The following SNRNP200 variants were observed in gnomAD, a reference collection of about 807,000 sequenced individuals.
SNRNP200 encodes U5 small nuclear ribonucleoprotein 200 kDa helicase.
SNRNP200 carries 66 observed loss-of-function variants against 255.2 expected under a neutral mutation model. The ratio of observed to expected loss-of-function variants is 0.26; its 90% confidence interval spans 0.21 to 0.32. SNRNP200 has a LOEUF of 0.32. Among genes scored for constraint, SNRNP200 ranks in the 10% least tolerant of loss-of-function variants. SNRNP200 has a pLI of 1.00. For synonymous variants in SNRNP200, 939 were observed against 1,027.8 expected (o/e 0.91, Z 1.65); for missense variants, 1,585 against 2,749.8 (o/e 0.58, Z 9.47).
Position 96,282,201 on chromosome 2 carries a change from C to G in SNRNP200, c.4916-279G>C, listed in dbSNP as rs1240914199. On this transcript the variant is annotated intron_variant, in intron 34 of 44. Coordinates refer to ENST00000323853, the MANE Select transcript of SNRNP200 (RefSeq NM_014014.5). ...CCAAGGCAAAACTACAGCTGATGGA[C>G]TGCTCCTCTGACCAGAAAGTGCTAA... 1.4e-5 allele frequency: 6 copies of G among 421,724 alleles called. No homozygotes were observed. In the East Asian group the frequency reaches 3.0e-4, roughly 21 times the overall value. 26.1% of individuals were successfully genotyped at this position (421,724 alleles called of 1,614,324 possible).
At chr2:96,299,043 G>A in intron 6 of SNRNP200, 76 bp from the exon 7 acceptor site, 1 of 1,585,492 alleles carries the variant, frequency 6.3e-7, no homozygotes, top group East Asian at 2.2e-5. Flanking sequence ...CTGCAACCAA[G>A]TTCTACTTGA....
Position 96,283,073 on chromosome 2 carries a change from G to A in SNRNP200, c.4915+128C>T, listed in dbSNP as rs531800249. 1.7e-3 allele frequency: 2,144 copies of A among 1,227,710 alleles called. 4 individuals are homozygous for A. Among genetic ancestry groups the A allele is most frequent in the Middle Eastern group, 2.3e-3 (9 of 3,888 alleles). 76.1% of individuals were successfully genotyped at this position (1,227,710 alleles called of 1,614,324 possible). A position where few individuals can be genotyped will look rare whatever the true frequency, so the allele number is the denominator to read the frequency against. ...GAGGATCAAATGAGTTAACAGCCAA[G>A]AGTCCTAAACAGTATTTTGAAAATC... On this transcript the variant is annotated intron_variant, in intron 34 of 44. Coordinates refer to ENST00000323853, the MANE Select transcript of SNRNP200 (RefSeq NM_014014.5). This position sits in a 1 kb window ranked among gnomAD's most constrained non-coding sequence, Gnocchi z 4.7.
Position 96,290,996 on chromosome 2 carries a change from A to T in SNRNP200, c.2422-181T>A, listed in dbSNP as rs2063880730. 6.6e-6 allele frequency among the ~76,000 whole-genome samples: 1 copy of T among 152,224 alleles called. No individual in the cohort carries two copies. The highest frequency in any genetic ancestry group is 2.1e-4 in the South Asian group (1 of 4,832). The stretch of plus-strand genomic sequence containing the variant: ...GAGGAAAGGTTTCCTTGGGTTCCTC[A>T]TCTATTCAGTAATGAACATTTCAAG... On this transcript the variant is annotated intron_variant, in intron 18 of 44. Coordinates refer to ENST00000323853, the MANE Select transcript of SNRNP200 (RefSeq NM_014014.5). This position sits in a 1 kb window ranked among gnomAD's most constrained non-coding sequence, Gnocchi z 4.5.
rs376758492 is a variant in SNRNP200 at position 96,278,231 on chromosome 2, C to T, written c.5610+6G>A. 5.6e-5 allele frequency: 90 copies of T among 1,614,090 alleles called. No homozygotes were observed. Among genetic ancestry groups the T allele is most frequent in the Non-Finnish European group, 7.3e-5 (86 of 1,180,048 alleles). On this transcript the variant is annotated splice_donor_region_variant and intron_variant, in intron 39 of 44. Coordinates refer to ENST00000323853, the MANE Select transcript of SNRNP200 (RefSeq NM_014014.5). This position sits in a 1 kb window ranked among gnomAD's most constrained non-coding sequence, Gnocchi z 6.9. ...AGGATGCTCTCCTGAAGTCTGCTGT[C>T]CTCACCTGCCTCAGGAGATTGTCTT...
At chr2:96,302,316 AC>A in intron 3 of SNRNP200, among the ~76,000 whole-genome samples, 1 of 152,322 alleles carries the variant, frequency 6.6e-6, no homozygotes, top group South Asian at 2.1e-4. Context: ...AATATAAGCC[AC>A]TTCTGCCAAC....
intron 15 of SNRNP200, 109 bp downstream of exon 15, chr2:96,293,207 T>A: frequency 6.4e-7 from 1 of 1,574,354 alleles, no homozygotes; most frequent in East Asian, 2.2e-5. Context: ...TCACACCACA[T>A]CAAAACCCAA....
rs749386311 is a variant in SNRNP200, at chr2:96,287,889, G to A, written c.3339C>T (p.Asn1113=). The A allele has an allele frequency of 6.2e-7, 1 of 1,614,218 alleles. No individual in the cohort carries two copies. The highest frequency in any genetic ancestry group is 8.5e-7 in the Non-Finnish European group (1 of 1,180,014). ...TGCGTTTGTCGATCATCTTGCAGAGGTTCAGGGTCTTGTCTGTAAGCTGTG... is the reference window on the plus strand; with the variant it reads ...TGCGTTTGTCGATCATCTTGCAGAGATTCAGGGTCTTGTCTGTAAGCTGTG... ...GWAQLTDKTL[N]LCKMIDKRMW... is the part of the protein sequence containing the mutation. Residue 1113 remains asparagine (N), a synonymous_variant, in exon 25 of 45, where the codon AAC becomes AAT. Coordinates refer to ENST00000323853, the MANE Select transcript of SNRNP200 (RefSeq NM_014014.5). This position sits in a 1 kb window ranked among gnomAD's most constrained non-coding sequence, Gnocchi z 5.7.
At chr2:96,300,967 C>G (rs2063948890) in intron 5 of SNRNP200, 31 bp downstream of exon 5, 1 of 1,601,082 alleles carries the variant, frequency 6.2e-7, no homozygotes, top group Non-Finnish European at 8.6e-7. Flanking sequence ...ACGTCAAAAA[C>G]AAGAATGGAC....
At chr2:96,297,275 T>C in intron 11 of SNRNP200, 88 bp downstream of exon 11, 4 of 1,568,198 alleles carry the variant, frequency 2.6e-6, no homozygotes, top group Non-Finnish European at 2.6e-6. Context: ...ATAAACTATA[T>C]ATGAAACAAG....
chr2:96,299,292 A>G lies in SNRNP200; in HGVS notation c.729+37T>C, dbSNP rs182333092. 403 of 1,580,052 alleles carry G rather than the reference A, an allele frequency of 2.6e-4. 2 individuals are homozygous for G. Among genetic ancestry groups the G allele is most frequent in the Non-Finnish European group, 3.7e-5 (43 of 1,149,630 alleles). ...GGAAGAAGCACTAACACCCAGAAGTAACCTTGTAGCAATGAGGAAGAGCAA... is the reference window on the plus strand; with the variant it reads ...GGAAGAAGCACTAACACCCAGAAGTGACCTTGTAGCAATGAGGAAGAGCAA... On this transcript the variant is annotated intron_variant, in intron 6 of 44. Transcript: ENST00000323853.
Position 96,303,758 on chromosome 2 carries a change from C to T in SNRNP200, c.210-428G>A, listed in dbSNP as rs550044632. Among the ~76,000 whole-genome samples, 7 of 152,052 alleles carry T rather than the reference C, an allele frequency of 4.6e-5. No homozygotes were observed. In the East Asian group the frequency reaches 5.8e-4, roughly 13 times the overall value. On this transcript the variant is annotated intron_variant, in intron 2 of 44. Transcript: ENST00000323853. ...TACAAAAATTAGCCGGGCACAGTGGCGAGCGCCTGTAATCCCAGCTACTCA... is the reference window on the plus strand; with the variant it reads ...TACAAAAATTAGCCGGGCACAGTGGTGAGCGCCTGTAATCCCAGCTACTCA...
intron 13 of SNRNP200, 146 bp from the exon 14 acceptor site, chr2:96,295,804 T>C: frequency 1.2e-6 from 1 of 844,878 alleles, no homozygotes; most frequent in African/African-American, 1.7e-5. Flanking sequence ...TATGAACATA[T>C]CTTCCTCAAA....
chr2:96,289,956 C>T lies in SNRNP200; in HGVS notation c.2783G>A (p.Arg928Gln), dbSNP rs1253138208. Residue 928 changes from arginine to glutamine, a missense_variant, in exon 21 of 45, where the codon CGA (arginine) becomes CAA (glutamine). Arg to Gln is a conservative substitution (Grantham distance 43, BLOSUM62 1). Coordinates refer to ENST00000323853, the MANE Select transcript of SNRNP200 (RefSeq NM_014014.5). ...NWLGYAYLYI[R>Q]MLRSPTLYGI... Reference sequence around the variant, plus strand: ...ATAGAGGGTTGGGGATCGCAGCATTCGGATATAGAGGTAGGCATAGCCCAG... The same window carrying T: ...ATAGAGGGTTGGGGATCGCAGCATTTGGATATAGAGGTAGGCATAGCCCAG... The T allele has an allele frequency of 1.9e-6, 3 of 1,614,084 alleles. No individual in the cohort carries two copies. The highest frequency in any genetic ancestry group is 1.7e-6 in the Non-Finnish European group (2 of 1,180,030).
intron 2 of SNRNP200, among the ~76,000 whole-genome samples, chr2:96,303,638 C>G (rs183705786): frequency 1.2e-3 from 178 of 152,184 alleles, no homozygotes; most frequent in African/African-American, 4.2e-3. Flanking sequence ...GCCTGTAATC[C>G]CAACATTTTG....
At chr2:96,301,154 T>C in intron 4 of SNRNP200, 101 bp from the exon 5 acceptor site, 2 of 994,356 alleles carry the variant, frequency 2.0e-6, no homozygotes, top group South Asian at 1.3e-5. Flanking sequence ...TCAGGAAAGA[T>C]CTAAGTGCTA....
chr2:96,294,110 T>A (rs981405419), intron 14 of SNRNP200, among the ~76,000 whole-genome samples: 11 of 99,670 alleles, frequency 1.1e-4, no homozygotes, highest in South Asian at 2.9e-4. Flanking sequence ...ATGTTTTTTT[T>A]AAAAAGTCAG....
rs752603505 is a variant in SNRNP200, at chr2:96,286,927, T to G, written c.3640-50A>C. ...GGAATGTGAGTCAACGTAGACTGAGTGCCTCCAATCCATCTCCTCGGCCCA... is the reference window on the plus strand; with the variant it reads ...GGAATGTGAGTCAACGTAGACTGAGGGCCTCCAATCCATCTCCTCGGCCCA... On this transcript the variant is annotated intron_variant, in intron 27 of 44. Transcript: ENST00000323853. This position sits in a 1 kb window ranked among gnomAD's most constrained non-coding sequence, Gnocchi z 4.8. 54 of 1,613,624 alleles carry G rather than the reference T, an allele frequency of 3.3e-5. No individual in the cohort carries two copies. The highest frequency in any genetic ancestry group is 4.5e-5 in the Non-Finnish European group (53 of 1,179,706).
Position 96,286,455 on chromosome 2 carries a change from G to A in SNRNP200, c.3859C>T (p.Arg1287Trp), listed in dbSNP as rs1004264460. The A allele has an allele frequency of 3.1e-6, 5 of 1,614,128 alleles. No individual in the cohort carries two copies. Among genetic ancestry groups the A allele is most frequent in the East Asian group, 2.2e-5 (1 of 44,876 alleles). The change falls in exon 29 of 45, where the codon CGG becomes TGG. Residue 1287 changes from arginine to tryptophan, a missense_variant. Coordinates refer to ENST00000323853, the MANE Select transcript of SNRNP200 (RefSeq NM_014014.5). The surrounding 1 kb of genome is among the most constrained non-coding windows in gnomAD (Gnocchi z 4.8). ...SCETQLPVSF[R>W]HLILPEKYPP... ...TACTTCTCCGGCAAGATCAGGTGCC[G>A]GAAGGAGACAGGCAGCTGGGTCTCA...
chr2:96,287,194 C>T lies in SNRNP200; in HGVS notation c.3485-34G>A. The T allele has an allele frequency of 6.2e-7, 1 of 1,613,850 alleles. No homozygotes were observed. Among genetic ancestry groups the T allele is most frequent in the African/African-American group, 1.3e-5 (1 of 75,046 alleles). ...AAATGAGAGTACTGAGGCTGCAGCC[C>T]AGCCTGCCTACTATACTGCAAACTG... On this transcript the variant is annotated intron_variant, in intron 26 of 44. Coordinates refer to ENST00000323853, the MANE Select transcript of SNRNP200 (RefSeq NM_014014.5). The surrounding 1 kb of genome is among the most constrained non-coding windows in gnomAD (Gnocchi z 5.7).
Sources: allele counts gnomAD v4.1 joint callset (sites outside exome capture counted in the v4.1 genomes callset), GRCh38; gene constraint gnomAD v4.1.1; non-coding constraint Gnocchi (gnomAD v3.1); transcripts MANE v1.5; gene names NCBI Gene and HGNC (gene_info 2026-07-23, HGNC 2026-07-21).